PDE1A: variants seen among roughly 807,000 people sequenced by gnomAD.
PDE1A encodes phosphodiesterase 1A, also known as dual specificity calcium/calmodulin-dependent 3',5'-cyclic nucleotide phosphodiesterase 1A.
Under a neutral mutation model 61.7 loss-of-function variants are expected in PDE1A, and 35 were observed. That is an observed-to-expected ratio of 0.57 (90% CI 0.43 to 0.75). The LOEUF is 0.75. Ranked by LOEUF, PDE1A falls within the 30% of genes least tolerant of loss-of-function variation. The pLI is 0.00. For missense variants in PDE1A, 597 were observed against 630.6 expected (o/e 0.95, Z 0.57); for synonymous variants, 232 against 213.2 (o/e 1.09, Z -0.77).
At position 182,370,576 on chromosome 2, in the gene PDE1A, A is replaced by C. The variant is rs1423634019; in HGVS notation, c.53+56002T>G. 2.6e-5 allele frequency among the ~76,000 whole-genome samples: 4 copies of C among 152,206 alleles called. No homozygotes were observed. In the South Asian group the frequency reaches 8.3e-4, roughly 32 times the overall value. ...CAGATGATTGATCTGAGATTTGACA[A>C]GAACCCAGAACCCAGAGAATGTGGC... On this transcript the variant is annotated intron_variant, in intron 1 of 13. Coordinates refer to ENST00000351439, the Ensembl canonical transcript of PDE1A.
At chr2:182,574,825 G>A in the PDE1A span, among the ~76,000 whole-genome samples, 1 of 152,092 alleles carries the variant, frequency 6.6e-6, no homozygotes, top group African/African-American at 2.4e-5. Flanking sequence ...CAAGTAGCTG[G>A]GACTACAGGT....
intron 2 of PDE1A, among the ~76,000 whole-genome samples, chr2:182,244,467 G>A (rs987124205): frequency 2.0e-5 from 3 of 152,012 alleles, no homozygotes; most frequent in Admixed American, 2.0e-4. Context: ...TCTCTACAGG[G>A]TAGCCTCATT....
intron 1 of PDE1A, among the ~76,000 whole-genome samples, chr2:182,350,381 G>C (rs781584535): frequency 6.6e-6 from 1 of 152,158 alleles, no homozygotes. Context: ...TTTCCTTGGA[G>C]TGGAATTGCT....
chr2:182,541,392 T>C, the PDE1A span, among the ~76,000 whole-genome samples: 2 of 152,222 alleles, frequency 1.3e-5, no homozygotes, highest in African/African-American at 4.8e-5. Context: ...CTTAGATCTA[T>C]TCCCAGTCTT....
intron 10 of PDE1A, among the ~76,000 whole-genome samples, chr2:182,190,429 C>T (rs1365241852): frequency 6.6e-6 from 1 of 152,190 alleles, no homozygotes; most frequent in African/African-American, 2.4e-5. Context: ...TCAGAAGATA[C>T]AGTCAGCTGA....
the PDE1A span, among the ~76,000 whole-genome samples, chr2:182,532,132 A>T: frequency 1.3e-5 from 2 of 152,172 alleles, no homozygotes; most frequent in East Asian, 3.8e-4. Flanking sequence ...TTTTTAAAGG[A>T]TACAAATGTA....
chr2:182,426,711 T>C lies in PDE1A; in HGVS notation c.-81A>G, dbSNP rs1324501177. The stretch of plus-strand genomic sequence containing the variant: ...AAATGTGGAAGCTTATCCTGATCTA[T>C]TGTGCTGCAAGGAGCCCAGAAAGAA... On this transcript the variant is annotated 5_prime_UTR_variant, in exon 1 of 14. Coordinates refer to ENST00000351439, the Ensembl canonical transcript of PDE1A. 6 of 1,604,470 alleles carry C rather than the reference T, an allele frequency of 3.7e-6. No homozygotes were observed. In the East Asian group the frequency reaches 8.9e-5, roughly 24 times the overall value.
the PDE1A span, among the ~76,000 whole-genome samples, chr2:182,686,965 G>C: frequency 3.9e-5 from 6 of 152,324 alleles, no homozygotes; most frequent in African/African-American, 1.4e-4. Context: ...ACTTCAAGGC[G>C]GCAGCCAAGC....
At position 182,353,062 on chromosome 2, in the gene PDE1A, G is replaced by C. The variant is rs833154; in HGVS notation, c.53+73516C>G. On this transcript the variant is annotated intron_variant, in intron 1 of 13. Transcript: ENST00000351439. ...AAACATCTGGATAAGCAAAAATGTA[G>C]CTTGACAACTACTATCACAATTACA... Among the ~76,000 whole-genome samples, 1,508 of 152,230 alleles carry C rather than the reference G, an allele frequency of 9.9e-3. 21 individuals are homozygous for C. Among genetic ancestry groups the C allele is most frequent in the African/African-American group, 0.033 (1,390 of 41,544 alleles).
chr2:182,654,418 T>A, the PDE1A span, among the ~76,000 whole-genome samples: 1 of 152,196 alleles, frequency 6.6e-6, no homozygotes, highest in Admixed American at 6.5e-5. Context: ...TGGGATTCTG[T>A]TTCTTGGTGT....
chr2:182,374,035 A>G (rs1348972927), intron 1 of PDE1A, among the ~76,000 whole-genome samples: 1 of 152,232 alleles, frequency 6.6e-6, no homozygotes, highest in Non-Finnish European at 1.5e-5. Context: ...AATTTTTACC[A>G]AGTATTTGGT....
At chr2:182,180,574 C>A (rs957845647) in intron 13 of PDE1A, among the ~76,000 whole-genome samples, 1 of 152,090 alleles carries the variant, frequency 6.6e-6, no homozygotes, top group Admixed American at 6.6e-5. Flanking sequence ...TGGCGTTGAT[C>A]TTCTCATGGA....
intron 1 of PDE1A, among the ~76,000 whole-genome samples, chr2:182,403,708 C>G (rs1399637401): frequency 6.6e-6 from 1 of 151,946 alleles, no homozygotes; most frequent in African/African-American, 2.4e-5. Context: ...CCTGGAAACC[C>G]TCATTCTCAG....
chr2:182,556,286 G>A, the PDE1A span, among the ~76,000 whole-genome samples: 3 of 152,144 alleles, frequency 2.0e-5, no homozygotes, highest in African/African-American at 7.2e-5. Flanking sequence ...ATATGGCAAT[G>A]AGGCTGAGAT....
the PDE1A span, among the ~76,000 whole-genome samples, chr2:182,599,975 A>C: frequency 6.6e-6 from 1 of 152,220 alleles, no homozygotes; most frequent in Non-Finnish European, 1.5e-5. Flanking sequence ...CTTCAACATG[A>C]CAGGAAAGTC....
the PDE1A span, among the ~76,000 whole-genome samples, chr2:182,633,033 T>C: frequency 6.6e-6 from 1 of 152,216 alleles, no homozygotes; most frequent in Non-Finnish European, 1.5e-5. Flanking sequence ...CTTCAAATTA[T>C]GCTATATGAC....
At chr2:182,211,333 G>A (rs1352120957) in intron 7 of PDE1A, among the ~76,000 whole-genome samples, 1 of 152,110 alleles carries the variant, frequency 6.6e-6, no homozygotes, top group Non-Finnish European at 1.5e-5. Flanking sequence ...TATATTTTTT[G>A]TAGGTTCATT....
intron 3 of PDE1A, among the ~76,000 whole-genome samples, chr2:182,238,533 G>T (rs185488638): frequency 5.8e-4 from 88 of 152,268 alleles, no homozygotes; most frequent in African/African-American, 2.1e-3. Context: ...TTGGGAGGAA[G>T]CGTTTAAAGG....
chr2:182,377,196 G>C (rs1431272247), intron 1 of PDE1A, among the ~76,000 whole-genome samples: 1 of 152,226 alleles, frequency 6.6e-6, no homozygotes, highest in African/African-American at 2.4e-5. Flanking sequence ...GGCCTAGTGA[G>C]AAGTATTTGG....
Sources: allele counts gnomAD v4.1 joint callset (sites outside exome capture counted in the v4.1 genomes callset), GRCh38; gene constraint gnomAD v4.1.1; transcripts MANE v1.5; gene names NCBI Gene and HGNC (gene_info 2026-07-23, HGNC 2026-07-21).